The following DCTN2 variants were observed in gnomAD, a reference collection of about 807,000 sequenced individuals.
The protein encoded by DCTN2 is dynactin subunit 2.
Under a neutral mutation model 55.4 loss-of-function variants are expected in DCTN2, and 18 were observed. The observed-to-expected ratio is 0.32, with a 90% CI of 0.22 to 0.48. DCTN2 has a LOEUF of 0.48. Among genes scored for constraint, DCTN2 ranks in the 20% least tolerant of loss-of-function variants. The pLI is 0.99. For synonymous variants in DCTN2, 168 were observed against 185.2 expected (o/e 0.91, Z 0.76); for missense variants, 390 against 491.0 (o/e 0.79, Z 1.94).
chr12:57,534,952 G>A (rs1024004203), intron 5 of DCTN2, 104 bp downstream of exon 5: 4 of 992,596 alleles, frequency 4.0e-6, no homozygotes, highest in Non-Finnish European at 6.1e-6. Flanking sequence ...TTATAGGCGT[G>A]AGCCACCGCA....
intron 7 of DCTN2, 58 bp from the exon 8 acceptor site, chr12:57,533,361 G>T: frequency 6.6e-7 from 1 of 1,504,568 alleles, no homozygotes; most frequent in Non-Finnish European, 9.2e-7. Flanking sequence ...GCAATGGGAG[G>T]AATACGATCC....
In DCTN2 at chr12:57,543,896, G is replaced by C. The variant is rs1204582364; in HGVS notation, c.105+2132C>G. ...CCACTAGATGCTACTAAAATAGGCT[G>C]TTCAGGCTCTGGGGGAGAAACAGCC... On this transcript the variant is annotated intron_variant, in intron 2 of 13. Coordinates refer to ENST00000548249, the MANE Select transcript of DCTN2 (RefSeq NM_001261413.2). 6 of 1,158,674 alleles carry C rather than the reference G, an allele frequency of 5.2e-6. No individual in the cohort carries two copies. In the East Asian group the frequency reaches 2.3e-4, roughly 44 times the overall value. The allele number at this position is 1,158,674 out of a possible 1,614,324, so 71.8% of individuals were successfully genotyped here. A position where few individuals can be genotyped will look rare whatever the true frequency, so the allele number is the denominator to read the frequency against.
At chr12:57,538,225 G>T in intron 2 of DCTN2, 1 of 502,912 alleles carries the variant, frequency 2.0e-6, no homozygotes, top group South Asian at 1.8e-5. Flanking sequence ...TCCTGCTGTG[G>T]GAGAGTGTCC....
At chr12:57,534,146 A>C in intron 6 of DCTN2, 49 bp from the exon 7 acceptor site, 2 of 1,541,504 alleles carry the variant, frequency 1.3e-6, no homozygotes, top group Non-Finnish European at 1.8e-6. Context: ...GAGAAGGGCC[A>C]GTCACTCTCC....
chr12:57,535,229 C>T, intron 4 of DCTN2, 75 bp from the exon 5 acceptor site: 1 of 1,254,666 alleles, frequency 8.0e-7, no homozygotes, highest in Non-Finnish European at 1.1e-6. Flanking sequence ...ACACCCTGGG[C>T]CTAAGTCATA....
At chr12:57,543,902 G>A (rs1880915049) in intron 2 of DCTN2, 1 of 1,104,394 alleles carries the variant, frequency 9.1e-7, no homozygotes, top group South Asian at 1.3e-5. Flanking sequence ...GGCTGTTCAG[G>A]CTCTGGGGGA....
rs1036314547 is a variant in DCTN2, at chr12:57,547,171, G to C, written c.-108C>G. 4.3e-6 allele frequency: 4 copies of C among 939,380 alleles called. No homozygotes were observed. Among genetic ancestry groups the C allele is most frequent in the Non-Finnish European group, 5.6e-6 (4 of 711,762 alleles). 58.2% of individuals were successfully genotyped at this position (939,380 alleles called of 1,614,324 possible). On this transcript the variant is annotated 5_prime_UTR_variant, in exon 1 of 14. Transcript: ENST00000548249. ...TCCCGGGCTAAGGCGGCGGCAAAGG[G>C]AGCGGCAGATGAGCAGGAAGTCTCG...
At position 57,534,012 on chromosome 12, in the gene DCTN2, G is replaced by C; in HGVS notation, c.610C>G (p.Leu204Val). 6.2e-7 allele frequency: 1 copy of C among 1,613,694 alleles called. No individual in the cohort carries two copies. The highest frequency in any genetic ancestry group is 8.5e-7 in the Non-Finnish European group (1 of 1,179,770). Residue 204 changes from leucine (L) to valine (V), a missense_variant, in exon 7 of 14, where the codon CTT (leucine) becomes GTT (valine). By Grantham distance (32) the Leu-to-Val change is conservative (BLOSUM62 1). Around this residue, in one of 2 missense-constraint regions of DCTN2, gnomAD observed 273 missense variants for 303.2 expected, o/e 0.90. Coordinates refer to ENST00000548249, the MANE Select transcript of DCTN2 (RefSeq NM_001261413.2). ...CGAGAATGTAGTTCATAAGTGACAA[G>C]GCTGCTATCTGGGGGGGTCCCAGTG... ...KTTGTPPDSSLVTYELHSRPE... is the reference protein window; with the variant it reads ...KTTGTPPDSSVVTYELHSRPE...
intron 2 of DCTN2, chr12:57,542,974 A>T (rs1012117867): frequency 1.0e-4 from 47 of 455,964 alleles, no homozygotes; most frequent in African/African-American, 8.8e-4. Flanking sequence ...CTGTGCATAC[A>T]TTACCTACTT....
At position 57,530,378 on chromosome 12, in the gene DCTN2, T is replaced by A. The variant is rs778533536; in HGVS notation, c.*311A>T. ...ATTACAGTCAGCCACAGAAGCTGTG[T>A]TGGGGGACAAGACCCAATCCTTCCC... On this transcript the variant is annotated 3_prime_UTR_variant, in exon 14 of 14. Transcript: ENST00000548249. 2 of 312,378 alleles carry A rather than the reference T, an allele frequency of 6.4e-6. No homozygotes were observed. Among genetic ancestry groups the A allele is most frequent in the East Asian group, 1.1e-4 (2 of 17,976 alleles). The allele number at this position is 312,378 out of a possible 1,614,324, so 19.4% of individuals were successfully genotyped here.
At chr12:57,545,075 G>A (rs1322056912) in intron 2 of DCTN2, among the ~76,000 whole-genome samples, 1 of 152,162 alleles carries the variant, frequency 6.6e-6, no homozygotes, top group Non-Finnish European at 1.5e-5. Flanking sequence ...GCATTCCCCA[G>A]AATTAACCAG....
intron 2 of DCTN2, chr12:57,538,332 G>A: frequency 1.5e-6 from 1 of 651,224 alleles, no homozygotes; most frequent in Middle Eastern, 2.4e-4. Context: ...ACCTACTCCA[G>A]CAGTGTCTTG....
At chr12:57,535,187 G>T in intron 4 of DCTN2, 33 bp from the exon 5 acceptor site, 1 of 1,531,822 alleles carries the variant, frequency 6.5e-7, no homozygotes, top group Non-Finnish European at 9.0e-7. Flanking sequence ...AATGTTATAT[G>T]TCTCATTACA....
chr12:57,534,616 A>G (rs1480700135), intron 5 of DCTN2, 164 bp from the exon 6 acceptor site: 1 of 598,702 alleles, frequency 1.7e-6, no homozygotes, highest in Non-Finnish European at 2.8e-6. Flanking sequence ...ATGGATGCAT[A>G]TTTGTAAACT....
chr12:57,534,642 C>A, intron 5 of DCTN2, 190 bp from the exon 6 acceptor site: 1 of 540,218 alleles, frequency 1.9e-6, no homozygotes, highest in Non-Finnish European at 3.1e-6. Context: ...AACCTTAGCC[C>A]CTTTATCCAG....
rs1879915388 is a variant in DCTN2, at chr12:57,533,309, G to C, written c.670-6C>G. 5 of 1,613,682 alleles carry C rather than the reference G, an allele frequency of 3.1e-6. No individual in the cohort carries two copies. In the Admixed American group the frequency reaches 6.7e-5, roughly 22 times the overall value. On this transcript the variant is annotated splice_polypyrimidine_tract_variant and splice_region_variant and intron_variant, in intron 7 of 13. Transcript: ENST00000548249. ...CGCTTTTCAAGTTCTGCGACCTAGT[G>C]GGAGGAAGGAGGTGAGATTTGCCAT...
chr12:57,536,015 C>T, intron 2 of DCTN2, 170 bp from the exon 3 acceptor site: 1 of 600,570 alleles, frequency 1.7e-6, no homozygotes, highest in Non-Finnish European at 3.0e-6. Flanking sequence ...GAAACTGAAG[C>T]TTCCTGGTAA....
rs748990564 is a variant in DCTN2, at chr12:57,532,740, C to T, written c.845G>A (p.Arg282Gln). 42 of 1,613,850 alleles carry T rather than the reference C, an allele frequency of 2.6e-5. No homozygotes were observed. Among genetic ancestry groups the T allele is most frequent in the Non-Finnish European group, 3.4e-5 (40 of 1,179,886 alleles). Residue 282 changes from arginine to glutamine, a missense_variant, in exon 10 of 14, where the codon CGG becomes CAG. Transcript: ENST00000548249. ...TTTCCCTCCATTTAATACCTGTAGC[C>T]GAGCCTCCACTTGATCCAAAACTGC... ...DLAVLDQVEA[R>Q]LQSVLGKVNE... is the part of the protein sequence containing the mutation.
intron 2 of DCTN2, chr12:57,538,135 C>A: frequency 2.9e-6 from 1 of 341,838 alleles, no homozygotes; most frequent in Non-Finnish European, 5.7e-6. Context: ...GTAGGGAAAG[C>A]GGGGAGTAGA....
Sources: allele counts gnomAD v4.1 joint callset (sites outside exome capture counted in the v4.1 genomes callset), GRCh38; gene constraint gnomAD v4.1.1; regional missense constraint gnomAD v4.1.1; transcripts MANE v1.5; gene names NCBI Gene and HGNC (gene_info 2026-07-23, HGNC 2026-07-21).